Variants in CASZ1 observed in about 807,000 individuals in gnomAD.
The protein encoded by CASZ1 is zinc finger protein castor homolog 1.
In CASZ1, 28 loss-of-function variants were observed where a neutral mutation model predicts 135.2. That is an observed-to-expected ratio of 0.21 (90% CI 0.15 to 0.28). The LOEUF (loss-of-function observed/expected upper bound fraction) is 0.28. Ranked by LOEUF, CASZ1 falls within the 10% of genes least tolerant of loss-of-function variation. CASZ1 has a pLI of 1.00. For synonymous variants in CASZ1, 1,068 were observed against 1,073.4 expected (o/e 0.99, Z 0.10); for missense variants, 2,161 against 2,453.3 (o/e 0.88, Z 2.52).
In CASZ1 at chr1:10,735,378, G is replaced by A. The variant is rs910865364; in HGVS notation, c.-77+25323C>T. On this transcript the variant is annotated intron_variant, in intron 2 of 20. Transcript: ENST00000377022. The surrounding 1 kb of genome is among the most constrained non-coding windows in gnomAD (Gnocchi z 5.1). Reference sequence around the variant, plus strand: ...TTCTGAGCTGACGAGAGAGGCGCCTGCAAACGCAGGCGAGGCCCGGGAGCT... The same window carrying A: ...TTCTGAGCTGACGAGAGAGGCGCCTACAAACGCAGGCGAGGCCCGGGAGCT... Among the ~76,000 whole-genome samples the A allele has an allele frequency of 1.3e-5, 2 of 152,188 alleles. No homozygotes were observed. The highest frequency in any genetic ancestry group is 2.9e-5 in the Non-Finnish European group (2 of 68,028).
intron 13 of CASZ1, 132 bp from the exon 14 acceptor site, chr1:10,649,569 C>T (rs928513878): frequency 9.5e-6 from 10 of 1,054,162 alleles, no homozygotes; most frequent in African/African-American, 4.8e-5. Context: ...GAATGCGGCC[C>T]GCCTACTTGG....
At chr1:10,660,694 A>G in intron 5 of CASZ1, 158 bp from the exon 6 acceptor site, 1 of 587,738 alleles carries the variant, frequency 1.7e-6, no homozygotes, top group South Asian at 2.1e-5. Context: ...GTTAGGTTTT[A>G]CGACTCTTAA....
chr1:10,770,445 A>G (rs1640554494), intron 1 of CASZ1, among the ~76,000 whole-genome samples: 1 of 152,188 alleles, frequency 6.6e-6, no homozygotes, highest in African/African-American at 2.4e-5. Flanking sequence ...ACTTGTAATC[A>G]AGGAGAAAAA....
Position 10,694,798 on chromosome 1 carries a change from G to A in CASZ1, c.-23-886C>T, listed in dbSNP as rs982455662. ...CTCCGGGAGGAGGAGGCGGGGACTT[G>A]CGCTCAGGGCTGGCGGGAGGGGACC... On this transcript the variant is annotated intron_variant, in intron 3 of 20. Transcript: ENST00000377022. This position sits in a 1 kb window ranked among gnomAD's most constrained non-coding sequence, Gnocchi z 6.6. 6.9e-6 allele frequency among the ~76,000 whole-genome samples: 1 copy of A among 145,146 alleles called. No homozygotes were observed. Among genetic ancestry groups the A allele is most frequent in the Admixed American group, 6.8e-5 (1 of 14,686 alleles).
At position 10,654,481 on chromosome 1, in the gene CASZ1, G is replaced by A. The variant is rs143823684; in HGVS notation, c.1776C>T (p.Thr592=). 24 of 1,614,110 alleles carry A rather than the reference G, an allele frequency of 1.5e-5. No individual in the cohort carries two copies. Among genetic ancestry groups the A allele is most frequent in the Admixed American group, 3.3e-5 (2 of 60,014 alleles). The change falls in exon 10 of 21, where the codon ACC becomes ACT. Residue 592 remains threonine, a synonymous_variant. Transcript: ENST00000377022. Reference sequence around the variant, plus strand: ...GGCAGTCGGCTGTGCCACAGTCTTCGGTGGCTCGGAAGCGCTGGAAGCCGT... The same window carrying A: ...GGCAGTCGGCTGTGCCACAGTCTTCAGTGGCTCGGAAGCGCTGGAAGCCGT... ...INDGFQRFRA[T]EDCGTADCQF... is the part of the protein sequence containing the mutation.
intron 4 of CASZ1, 59 bp downstream of exon 4, chr1:10,693,815 C>T: frequency 7.6e-7 from 1 of 1,307,200 alleles, no homozygotes; most frequent in African/African-American, 1.5e-5. Context: ...ATAAGAACTT[C>T]CGTAAAAGAA....
Position 10,659,817 on chromosome 1 carries a change from C to A in CASZ1, c.1225G>T (p.Ala409Ser), listed in dbSNP as rs768356279. The A allele has an allele frequency of 3.7e-6, 6 of 1,612,758 alleles. No homozygotes were observed. The South Asian group carries it at 6.6e-5, about 18-fold the overall frequency. Residue 409 changes from alanine to serine, a missense_variant, in exon 6 of 21, where the codon GCC becomes TCC. Ala to Ser is a moderately conservative substitution (Grantham distance 99). This residue lies in a region of CASZ1 where 590 missense variants were observed against 609.8 expected (regional missense o/e 0.97). Coordinates refer to ENST00000377022, the MANE Select transcript of CASZ1 (RefSeq NM_001079843.3). The part of the protein sequence containing the change: ...PLASVPSAPS[A>S]PGPGPEPPAS... ...GGAGGCTCTGGCCCTGGCCCGGGGGCGCTGGGGGCACTGGGCACGCTGGCG... is the reference window on the plus strand; with the variant it reads ...GGAGGCTCTGGCCCTGGCCCGGGGGAGCTGGGGGCACTGGGCACGCTGGCG...
chr1:10,644,642 T>C (rs1487110010), intron 18 of CASZ1, among the ~76,000 whole-genome samples: 1 of 152,228 alleles, frequency 6.6e-6, no homozygotes, highest in Non-Finnish European at 1.5e-5. Flanking sequence ...GCCCAGGCCC[T>C]GGATGCTCAA....
Position 10,660,223 on chromosome 1 carries a change from C to A in CASZ1, c.819G>T (p.Leu273=), listed in dbSNP as rs759577336. ...TGCTGCTGGGCAGCCGCAGGCCGGG[C>A]AGGGTGCCCACCACCTCCTTGCCCA... ...ERVGKEVVGT[L]PGLRLPSSTA... Residue 273 remains leucine (L), a synonymous_variant, in exon 6 of 21, where the codon CTG becomes CTT. Coordinates refer to ENST00000377022, the MANE Select transcript of CASZ1 (RefSeq NM_001079843.3). 3 of 1,612,858 alleles carry A rather than the reference C, an allele frequency of 1.9e-6. No individual in the cohort carries two copies. Among genetic ancestry groups the A allele is most frequent in the African/African-American group, 2.7e-5 (2 of 74,922 alleles).
At chr1:10,740,973 A>G (rs1313282865) in intron 2 of CASZ1, among the ~76,000 whole-genome samples, 1 of 131,298 alleles carries the variant, frequency 7.6e-6, no homozygotes, top group Non-Finnish European at 1.6e-5. Context: ...AAAAAAAAAA[A>G]AAAAGAAAAA....
rs116538342 is a variant in CASZ1 at position 10,677,758 on chromosome 1, G to A, written c.17-12187C>T. 5.1e-3 allele frequency among the ~76,000 whole-genome samples: 780 copies of A among 152,374 alleles called. 10 individuals are homozygous for A. Among genetic ancestry groups the A allele is most frequent in the African/African-American group, 0.018 (757 of 41,582 alleles). ...CTACACATTTCTGTTTCAAAGCAGA[G>A]CTTTCCGCAGCCTTGGAGATTGCAC... On this transcript the variant is annotated intron_variant, in intron 4 of 20. Coordinates refer to ENST00000377022, the MANE Select transcript of CASZ1 (RefSeq NM_001079843.3).
chr1:10,659,624 G>T, intron 6 of CASZ1, 78 bp downstream of exon 6: 1 of 1,190,490 alleles, frequency 8.4e-7, no homozygotes. Flanking sequence ...TCAAGCACGG[G>T]CAACCCTGGT....
At chr1:10,783,107 C>A (rs1025320878) in intron 1 of CASZ1, among the ~76,000 whole-genome samples, 2 of 152,204 alleles carry the variant, frequency 1.3e-5, no homozygotes, top group African/African-American at 4.8e-5. Flanking sequence ...CGGGAATCAA[C>A]ACACACGGCC....
In CASZ1 at chr1:10,733,545, G is replaced by C. The variant is rs972520895; in HGVS notation, c.-77+27156C>G. On this transcript the variant is annotated intron_variant, in intron 2 of 20. Coordinates refer to ENST00000377022, the MANE Select transcript of CASZ1 (RefSeq NM_001079843.3). Reference sequence around the variant, plus strand: ...GGCAAAAAGGGCTCCACCCTCACTGGTCCCTGCTCTCAGAGGTGAGCAGAG... The same window carrying C: ...GGCAAAAAGGGCTCCACCCTCACTGCTCCCTGCTCTCAGAGGTGAGCAGAG... Among the ~76,000 whole-genome samples, 4 of 152,304 alleles carry C rather than the reference G, an allele frequency of 2.6e-5. No homozygotes were observed. In the South Asian group the frequency reaches 6.2e-4, roughly 24 times the overall value.
In CASZ1 at chr1:10,747,001, C is replaced by T. The variant is rs1640055822; in HGVS notation, c.-77+13700G>A. Among the ~76,000 whole-genome samples, 1 of 152,234 alleles carries T rather than the reference C, an allele frequency of 6.6e-6. No homozygotes were observed. The highest frequency in any genetic ancestry group is 2.4e-5 in the African/African-American group (1 of 41,454). ...AGATCATGTGGGCAAGATGGATGAC[C>T]CCATGGCTTCTCCCCTCATAGCCCC... On this transcript the variant is annotated intron_variant, in intron 2 of 20. Transcript: ENST00000377022. The surrounding 1 kb of genome is among the most constrained non-coding windows in gnomAD (Gnocchi z 4.3).
At chr1:10,673,028 C>A (rs1011391818) in intron 4 of CASZ1, among the ~76,000 whole-genome samples, 1 of 150,854 alleles carries the variant, frequency 6.6e-6, no homozygotes, top group Non-Finnish European at 1.5e-5. Flanking sequence ...GCACGGTGGA[C>A]GGCGTTGGGG....
intron 2 of CASZ1, among the ~76,000 whole-genome samples, chr1:10,713,803 G>A (rs80324101): frequency 2.6e-5 from 4 of 152,090 alleles, no homozygotes; most frequent in African/African-American, 4.8e-5. Flanking sequence ...GAGCCCTGCC[G>A]GGTTGGCATT....
At position 10,794,386 on chromosome 1, in the gene CASZ1, G is replaced by T. The variant is rs1641023993; in HGVS notation, c.-234+2178C>A. Among the ~76,000 whole-genome samples, 1 of 152,052 alleles carries T rather than the reference G, an allele frequency of 6.6e-6. No individual in the cohort carries two copies. The highest frequency in any genetic ancestry group is 1.5e-5 in the Non-Finnish European group (1 of 67,994). On this transcript the variant is annotated intron_variant, in intron 1 of 20. Coordinates refer to ENST00000377022, the MANE Select transcript of CASZ1 (RefSeq NM_001079843.3). The surrounding 1 kb of genome is among the most constrained non-coding windows in gnomAD (Gnocchi z 5.6). ...CCACCCCCTGAGTGTACCGGGTGTC[G>T]GCGGGACAACTACGCACAATGAGGG...
intron 1 of CASZ1, among the ~76,000 whole-genome samples, chr1:10,763,450 G>A (rs1186675040): frequency 8.5e-5 from 13 of 152,098 alleles, no homozygotes; most frequent in South Asian, 2.1e-4. Flanking sequence ...TGCAGGCTGC[G>A]CGGAGGATGG....
Sources: allele counts gnomAD v4.1 joint callset (sites outside exome capture counted in the v4.1 genomes callset), GRCh38; gene constraint gnomAD v4.1.1; regional missense constraint gnomAD v4.1.1; non-coding constraint Gnocchi (gnomAD v3.1); transcripts MANE v1.5; gene names NCBI Gene and HGNC (gene_info 2026-07-23, HGNC 2026-07-21).